JARID2: variants seen among roughly 807,000 people sequenced by gnomAD.
JARID2 encodes jumonji and AT-rich interaction domain containing 2.
JARID2 carries 21 observed loss-of-function variants against 125.6 expected under a neutral mutation model. The observed-to-expected ratio is 0.17, with a 90% CI of 0.12 to 0.24. The LOEUF is 0.24. Ranked by LOEUF, JARID2 falls within the 10% of genes least tolerant of loss-of-function variation. The pLI is 1.00. For missense variants in JARID2, 1,303 were observed against 1,639.6 expected (o/e 0.79, Z 3.55); for synonymous variants, 736 against 661.6 (o/e 1.11, Z -1.73).
chr6:15,282,988 A>T (rs1317152967), intron 1 of JARID2, among the ~76,000 whole-genome samples: 2 of 148,312 alleles, frequency 1.3e-5, no homozygotes, highest in East Asian at 2.0e-4. Context: ...TATTTTTTTT[A>T]TTTTTTTTGA....
intron 2 of JARID2, among the ~76,000 whole-genome samples, chr6:15,381,574 T>G (rs1764590777): frequency 6.6e-6 from 1 of 152,210 alleles, no homozygotes; most frequent in African/African-American, 2.4e-5. Flanking sequence ...GCTTCAATGT[T>G]GTTGAAAACA....
chr6:15,264,612 AGTGT>A (rs148424538), intron 1 of JARID2, among the ~76,000 whole-genome samples: 10,859 of 146,172 alleles, frequency 0.074, 469 homozygotes, highest in East Asian at 0.15. Context: ...GGTAGGTGTG[AGTGT>A]GTGTGTGTGT....
Position 15,246,569 on chromosome 6 carries a change from C to A in JARID2, c.30C>A (p.Ile10=). Residue 10 remains isoleucine, a synonymous_variant, in exon 1 of 18, where the codon ATC becomes ATA. Coordinates refer to ENST00000341776, the MANE Select transcript of JARID2 (RefSeq NM_004973.4). Reference sequence around the variant, plus strand: ...GCAAGGAAAGACCCAAGAGGAATATCATTCAGAAGAAATACGTAAGTGCTC... The same window carrying A: ...GCAAGGAAAGACCCAAGAGGAATATAATTCAGAAGAAATACGTAAGTGCTC... The part of the protein sequence containing the change: MSKERPKRN[I]IQKKYDDSDG... 1 of 1,613,384 alleles carries A rather than the reference C, an allele frequency of 6.2e-7. No homozygotes were observed. The highest frequency in any genetic ancestry group is 8.5e-7 in the Non-Finnish European group (1 of 1,179,334).
intron 1 of JARID2, among the ~76,000 whole-genome samples, chr6:15,282,101 C>T (rs899838359): frequency 1.3e-5 from 2 of 152,064 alleles, no homozygotes; most frequent in Non-Finnish European, 2.9e-5. Flanking sequence ...CACCATCATG[C>T]TCGACCAATT....
At chr6:15,321,293 C>T (rs1762345042) in intron 1 of JARID2, among the ~76,000 whole-genome samples, 1 of 152,060 alleles carries the variant, frequency 6.6e-6, no homozygotes, top group Non-Finnish European at 1.5e-5. Flanking sequence ...AAAGAAAAAT[C>T]ATGAAATTAT....
intron 1 of JARID2, among the ~76,000 whole-genome samples, chr6:15,367,522 A>G (rs1764022395): frequency 6.6e-6 from 1 of 152,228 alleles, no homozygotes; most frequent in Non-Finnish European, 1.5e-5. Flanking sequence ...TGTGAGTTAC[A>G]TATTTAACAT....
intron 2 of JARID2, among the ~76,000 whole-genome samples, chr6:15,393,884 T>C (rs1442454233): frequency 7.2e-5 from 11 of 152,282 alleles, no homozygotes; most frequent in Admixed American, 5.2e-4. Context: ...CTGCTTTAGT[T>C]ACAGAAACAA....
At chr6:15,411,712 A>G (rs575053954) in intron 3 of JARID2, among the ~76,000 whole-genome samples, 103 of 152,340 alleles carry the variant, frequency 6.8e-4, no homozygotes, top group Non-Finnish European at 1.1e-3. Flanking sequence ...AATGTGTGAT[A>G]ATATTATCCA....
At chr6:15,286,414 G>T (rs1212656989) in intron 1 of JARID2, among the ~76,000 whole-genome samples, 1 of 151,530 alleles carries the variant, frequency 6.6e-6, no homozygotes. Context: ...ACCACACCCG[G>T]CTAATTTTTG....
intron 2 of JARID2, among the ~76,000 whole-genome samples, chr6:15,398,867 AT>A: frequency 6.6e-6 from 1 of 152,212 alleles, no homozygotes; most frequent in Non-Finnish European, 1.5e-5. Flanking sequence ...CTGAAACTTC[AT>A]TTCTGGCCAA....
intron 6 of JARID2, among the ~76,000 whole-genome samples, chr6:15,490,213 T>C (rs1393590406): frequency 6.6e-6 from 1 of 152,206 alleles, no homozygotes; most frequent in African/African-American, 2.4e-5. Context: ...ATGAAAGATA[T>C]GGGCCCAGAG....
At chr6:15,283,104 G>C (rs1478540938) in intron 1 of JARID2, among the ~76,000 whole-genome samples, 2 of 151,228 alleles carry the variant, frequency 1.3e-5, no homozygotes, top group South Asian at 4.2e-4. Context: ...TCAGCCTCCC[G>C]AGTAGCTGGG....
chr6:15,333,616 A>G (rs564612541), intron 1 of JARID2, among the ~76,000 whole-genome samples: 83 of 152,328 alleles, frequency 5.4e-4, no homozygotes, highest in South Asian at 1.5e-3. Flanking sequence ...TGTGTGTACA[A>G]TTCGGTGGCA....
At chr6:15,359,352 G>A (rs144125726) in intron 1 of JARID2, among the ~76,000 whole-genome samples, 2 of 152,308 alleles carry the variant, frequency 1.3e-5, no homozygotes, top group East Asian at 3.9e-4. Flanking sequence ...TGCCCCTGAT[G>A]TGGCATCCAG....
At chr6:15,258,152 C>CT (rs1471198043) in intron 1 of JARID2, among the ~76,000 whole-genome samples, 2 of 152,182 alleles carry the variant, frequency 1.3e-5, no homozygotes, top group Non-Finnish European at 2.9e-5. Flanking sequence ...TGGGCTGTGG[C>CT]TTGGAAGACT....
chr6:15,311,735 G>GTT (rs10715130), intron 1 of JARID2, among the ~76,000 whole-genome samples: 137 of 145,710 alleles, frequency 9.4e-4, no homozygotes, highest in Middle Eastern at 3.5e-3. Context: ...AAAGGTAACT[G>GTT]TTTTTTTTTT....
intron 6 of JARID2, among the ~76,000 whole-genome samples, chr6:15,489,055 C>CT (rs1371338466): frequency 6.6e-6 from 1 of 152,140 alleles, no homozygotes; most frequent in African/African-American, 2.4e-5. Context: ...GTACAGAACT[C>CT]TCCAATGTGT....
chr6:15,299,172 A>G (rs574159680), intron 1 of JARID2, among the ~76,000 whole-genome samples: 38 of 152,128 alleles, frequency 2.5e-4, no homozygotes, highest in African/African-American at 8.4e-4. Context: ...TTTGAATACA[A>G]CCCCTTGGAC....
rs747709384 is a variant in JARID2, at chr6:15,521,418, G to A, written c.*1167G>A. 12 of 150,442 alleles carry A rather than the reference G, an allele frequency of 8.0e-5. No homozygotes were observed. The highest frequency in any genetic ancestry group is 1.3e-4 in the Admixed American group (2 of 15,104). The allele number at this position is 150,442 out of a possible 1,614,324, so 9.3% of individuals were successfully genotyped here. A position where few individuals can be genotyped will look rare whatever the true frequency, so the allele number is the denominator to read the frequency against. ...ATACTTGAGCCTTTTTCTCGGTGGG[G>A]GGTGGGGAGGGGGGTGAGAAGACAA... On this transcript the variant is annotated 3_prime_UTR_variant, in exon 18 of 18. Transcript: ENST00000341776.
Sources: allele counts gnomAD v4.1 joint callset (sites outside exome capture counted in the v4.1 genomes callset), GRCh38; gene constraint gnomAD v4.1.1; transcripts MANE v1.5; gene names NCBI Gene and HGNC (gene_info 2026-07-23, HGNC 2026-07-21).